Variants in ZBTB10 observed in about 807,000 individuals in gnomAD.
ZBTB10 encodes the protein zinc finger and BTB domain-containing protein 10.
In ZBTB10, 32 loss-of-function variants were observed where a neutral mutation model predicts 76.4. The observed-to-expected ratio is 0.42, with a 90% CI of 0.32 to 0.56. The LOEUF (loss-of-function observed/expected upper bound fraction) is 0.56, where lower values mean the gene tolerates loss of function less well. Ranked by LOEUF, ZBTB10 falls within the 20% of genes least tolerant of loss-of-function variation. The pLI is 0.14. For missense variants in ZBTB10, 1,057 were observed against 1,098.5 expected, an observed-to-expected ratio of 0.96 and a Z score of 0.53; for synonymous variants, 523 against 432.9, an observed-to-expected ratio of 1.21 and a Z score of -2.58.
At chr8:80,498,307 C>T (rs774354331) in intron 1 of ZBTB10, among the ~76,000 whole-genome samples, 2 of 152,076 alleles carry the variant, frequency 1.3e-5, no homozygotes, top group South Asian at 2.1e-4. Context: ...TCTCCATGCT[C>T]GTAAAATCAT....
intron 2 of ZBTB10, among the ~76,000 whole-genome samples, chr8:80,511,613 C>T (rs1816196393): frequency 6.6e-6 from 1 of 152,196 alleles, no homozygotes; most frequent in Non-Finnish European, 1.5e-5. Flanking sequence ...TCAGCCTCCT[C>T]AGTGGCTAGG....
intron 1 of ZBTB10, among the ~76,000 whole-genome samples, chr8:80,496,096 T>C (rs1352737403): frequency 6.6e-6 from 1 of 152,194 alleles, no homozygotes; most frequent in African/African-American, 2.4e-5. Flanking sequence ...TCTGATGTTA[T>C]CAGTATACTA....
chr8:80,488,937 A>T (rs1815554229), intron 1 of ZBTB10, among the ~76,000 whole-genome samples: 1 of 152,168 alleles, frequency 6.6e-6, no homozygotes, highest in Admixed American at 6.5e-5. Flanking sequence ...TGTTTCTCAG[A>T]AGTTAGGGCT....
At chr8:80,488,257 C>G (rs995341917) in intron 1 of ZBTB10, among the ~76,000 whole-genome samples, 1 of 152,108 alleles carries the variant, frequency 6.6e-6, no homozygotes, top group Non-Finnish European at 1.5e-5. Context: ...TTCAGGAAAA[C>G]GTCCAGCCGA....
At chr8:80,493,207 G>GCGCGCGCGCGCGCACACA (rs375071529) in intron 1 of ZBTB10, among the ~76,000 whole-genome samples, 48 of 125,276 alleles carry the variant, frequency 3.8e-4, no homozygotes, top group Middle Eastern at 4.3e-3. Context: ...GCGCGCGCGC[G>GCGCGCGCGCGCGCACACA]CACACACACA....
intron 2 of ZBTB10, among the ~76,000 whole-genome samples, chr8:80,512,612 T>C (rs925168504): frequency 6.6e-6 from 1 of 152,070 alleles, no homozygotes; most frequent in African/African-American, 2.4e-5. Context: ...TCTGAGAGGC[T>C]GAAGTAGGAG....
At position 80,515,576 on chromosome 8, in the gene ZBTB10, T is replaced by G. The variant is rs536769567; in HGVS notation, c.1960+1568T>G. Reference sequence around the variant, plus strand: ...ACCGCGCAAGAAGATGTTACTGCACTTGCTTTCTCAGTTTTGAAATCTAGT... The same window carrying G: ...ACCGCGCAAGAAGATGTTACTGCACGTGCTTTCTCAGTTTTGAAATCTAGT... On this transcript the variant is annotated intron_variant, in intron 3 of 5. Transcript: ENST00000455036. Among the ~76,000 whole-genome samples, 22 of 152,366 alleles carry G rather than the reference T, an allele frequency of 1.4e-4. No individual in the cohort carries two copies. In the South Asian group the frequency reaches 4.6e-3, roughly 32 times the overall value.
rs534599140 is a variant in ZBTB10, at chr8:80,525,202, A to G, written c.*5674A>G. 6.6e-6 allele frequency: 1 copy of G among 152,296 alleles called. No homozygotes were observed. The highest frequency in any genetic ancestry group is 2.4e-5 in the African/African-American group (1 of 41,586). 9.4% of individuals were successfully genotyped at this position (152,296 alleles called of 1,614,324 possible). On this transcript the variant is annotated 3_prime_UTR_variant, in exon 6 of 6. Coordinates refer to ENST00000455036, the MANE Select transcript of ZBTB10 (RefSeq NM_001105539.3). ...TGTAGGAAATTGAATTATTGGATCT[A>G]TGTTTAGGTAAGAAAACTAAAGGTA... is the stretch of plus-strand genomic sequence containing the variant.
At chr8:80,499,367 C>T in intron 1 of ZBTB10, 127 bp from the exon 2 acceptor site, 1 of 1,078,470 alleles carries the variant, frequency 9.3e-7, no homozygotes, top group Non-Finnish European at 1.3e-6. Context: ...CACTCCATTT[C>T]TTGATTACTC....
Position 80,500,140 on chromosome 8 carries a change from A to T in ZBTB10, c.1619A>T (p.Gln540Leu). The T allele has an allele frequency of 6.2e-7, 1 of 1,613,852 alleles. No individual in the cohort carries two copies. Among genetic ancestry groups the T allele is most frequent in the Non-Finnish European group, 8.5e-7 (1 of 1,179,794 alleles). The change falls in exon 2 of 6, where the codon CAG becomes CTG. Residue 540 changes from glutamine to leucine, a missense_variant. Coordinates refer to ENST00000455036, the MANE Select transcript of ZBTB10 (RefSeq NM_001105539.3). ...NYQMNDSSWV[Q>L]DGSPEMAENE... is the part of the protein sequence containing the mutation. ...CAAATGAATGACAGTAGTTGGGTCC[A>T]GGATGGATCTCCTGAAATGGCTGAA...
Position 80,523,904 on chromosome 8 carries a change from C to T in ZBTB10, c.*4376C>T, listed in dbSNP as rs1335738497. The T allele has an allele frequency of 2.0e-5, 3 of 151,916 alleles. No homozygotes were observed. Among genetic ancestry groups the T allele is most frequent in the Admixed American group, 6.6e-5 (1 of 15,230 alleles). 9.4% of individuals were successfully genotyped at this position (151,916 alleles called of 1,614,324 possible). ...AAAAGCTCTTTGGGAAGATCTTTTA[C>T]GAAGACCAACTTTTTAAAATGTAAA... is the stretch of plus-strand genomic sequence containing the variant. On this transcript the variant is annotated 3_prime_UTR_variant, in exon 6 of 6. Coordinates refer to ENST00000455036, the MANE Select transcript of ZBTB10 (RefSeq NM_001105539.3).
At position 80,499,810 on chromosome 8, in the gene ZBTB10, T is replaced by G; in HGVS notation, c.1289T>G (p.Val430Gly). 6.2e-7 allele frequency: 1 copy of G among 1,614,014 alleles called. No individual in the cohort carries two copies. The highest frequency in any genetic ancestry group is 8.5e-7 in the Non-Finnish European group (1 of 1,179,870). Residue 430 changes from valine to glycine, a missense_variant, in exon 2 of 6, where the codon GTG (valine) becomes GGG (glycine). This residue lies in a region of ZBTB10 where 86 missense variants were observed against 145.7 expected (regional missense o/e 0.59). Transcript: ENST00000455036. ...ILDFLYSGNLVLTSQNAIEVM... is the reference protein window; with the variant it reads ...ILDFLYSGNLGLTSQNAIEVM... ...GACTTCTTGTATTCTGGTAACCTGG[T>G]GCTCACAAGCCAAAATGCCATTGAA...
At position 80,520,870 on chromosome 8, in the gene ZBTB10, G is replaced by A. The variant is rs1228449110; in HGVS notation, c.*1342G>A. ...CTGGTGACATGAATTAGCTGATTGT[G>A]GAACTCTCAGCAGCATTTCACGTAT... On this transcript the variant is annotated 3_prime_UTR_variant, in exon 6 of 6. Coordinates refer to ENST00000455036, the MANE Select transcript of ZBTB10 (RefSeq NM_001105539.3). 1 of 151,850 alleles carries A rather than the reference G, an allele frequency of 6.6e-6. No individual in the cohort carries two copies. Among genetic ancestry groups the A allele is most frequent in the Non-Finnish European group, 1.5e-5 (1 of 67,836 alleles). The allele number at this position is 151,850 out of a possible 1,614,324, so 9.4% of individuals were successfully genotyped here.
At chr8:80,493,608 G>T (rs912406347) in intron 1 of ZBTB10, among the ~76,000 whole-genome samples, 1 of 151,736 alleles carries the variant, frequency 6.6e-6, no homozygotes, top group African/African-American at 2.4e-5. Flanking sequence ...TCTGAGGTCG[G>T]GAGTTCGAGA....
Position 80,499,663 on chromosome 8 carries a change from T to A in ZBTB10, c.1142T>A (p.Ile381Asn). 6.2e-7 allele frequency: 1 copy of A among 1,613,976 alleles called. No homozygotes were observed. The highest frequency in any genetic ancestry group is 8.5e-7 in the Non-Finnish European group (1 of 1,179,870). Residue 381 changes from isoleucine (I) to asparagine (N), a missense_variant, in exon 2 of 6, where the codon ATC (isoleucine) becomes AAC (asparagine). Coordinates refer to ENST00000455036, the MANE Select transcript of ZBTB10 (RefSeq NM_001105539.3). ...SGKIFKAHKN[I>N]LVAGSRFFKT... Reference sequence around the variant, plus strand: ...AAAATCTTCAAAGCTCATAAGAACATCCTGGTTGCAGGCAGCCGTTTCTTT... The same window carrying A: ...AAAATCTTCAAAGCTCATAAGAACAACCTGGTTGCAGGCAGCCGTTTCTTT...
In ZBTB10 at chr8:80,522,204, A is replaced by C. The variant is rs1816462944; in HGVS notation, c.*2676A>C. On this transcript the variant is annotated 3_prime_UTR_variant, in exon 6 of 6. Transcript: ENST00000455036. The stretch of plus-strand genomic sequence containing the variant: ...TAAGTGTATTCTTTTTCTGACTTAC[A>C]GTAAAATTTCAGGAAGTTGATAGAT... 1 of 151,902 alleles carries C rather than the reference A, an allele frequency of 6.6e-6. No homozygotes were observed. Among genetic ancestry groups the C allele is most frequent in the South Asian group, 2.1e-4 (1 of 4,832 alleles). The allele number at this position is 151,902 out of a possible 1,614,324, so 9.4% of individuals were successfully genotyped here. A position where few individuals can be genotyped will look rare whatever the true frequency, so the allele number is the denominator to read the frequency against.
chr8:80,515,224 G>A (rs891275927), intron 3 of ZBTB10, among the ~76,000 whole-genome samples: 2 of 152,200 alleles, frequency 1.3e-5, no homozygotes, highest in East Asian at 1.9e-4. Flanking sequence ...TAGAAAGCAT[G>A]TATGTGTGTA....
chr8:80,517,050 G>A (rs1327111313), intron 3 of ZBTB10, among the ~76,000 whole-genome samples: 1 of 152,180 alleles, frequency 6.6e-6, no homozygotes, highest in African/African-American at 2.4e-5. Context: ...GGAATAGAGT[G>A]ACTGAAAGGA....
chr8:80,522,766 AAAAG>A lies in ZBTB10; in HGVS notation c.*3242_*3245del, dbSNP rs1371464128. On this transcript the variant is annotated 3_prime_UTR_variant, in exon 6 of 6. Coordinates refer to ENST00000455036, the MANE Select transcript of ZBTB10 (RefSeq NM_001105539.3). ...TAATAATAGATAAGAACCAAGAGGAAAAAGAAATAAGAAAAGATGGGGGAAAGGA... is the reference window on the plus strand; with the variant it reads ...TAATAATAGATAAGAACCAAGAGGAAAAATAAGAAAAGATGGGGGAAAGGA... 1 of 151,900 alleles carries A rather than the reference AAAAG, an allele frequency of 6.6e-6. No individual in the cohort carries two copies. Among genetic ancestry groups the A allele is most frequent in the African/African-American group, 2.4e-5 (1 of 41,402 alleles). 9.4% of individuals were successfully genotyped at this position (151,900 alleles called of 1,614,324 possible). A position where few individuals can be genotyped will look rare whatever the true frequency, so the allele number is the denominator to read the frequency against.
Sources: gnomAD v4.1 joint callset for allele counts (sites outside exome capture counted in the v4.1 genomes callset) on GRCh38, gnomAD v4.1.1 for gene constraint, gnomAD v4.1.1 regional missense constraint, MANE v1.5 for transcripts, NCBI Gene and HGNC (gene_info 2026-07-23, HGNC 2026-07-21) for gene names.